Variants in MVB12B observed in about 807,000 individuals in gnomAD.
MVB12B encodes ESCRT-I complex subunit MVB12B.
In MVB12B, 16 loss-of-function variants were observed where a neutral mutation model predicts 41.6. The ratio of observed to expected loss-of-function variants is 0.38; its 90% CI spans 0.26 to 0.58. MVB12B has a LOEUF of 0.58. Among genes scored for constraint, MVB12B ranks in the 20% least tolerant of loss-of-function variants. The probability of loss-of-function intolerance (pLI) is 0.62; values close to 1 mark genes in which losing one functional copy is unlikely to be tolerated. For synonymous variants in MVB12B, 133 were observed against 139.7 expected (o/e 0.95, Z 0.34); for missense variants, 274 against 380.2 (o/e 0.72, Z 2.32).
At chr9:126,375,640 C>T (rs1021739103) in intron 2 of MVB12B, among the ~76,000 whole-genome samples, 2 of 152,064 alleles carry the variant, frequency 1.3e-5, no homozygotes, top group African/African-American at 4.8e-5. Flanking sequence ...TTGATTTAAT[C>T]CTCGGTTCTG....
intron 1 of MVB12B, among the ~76,000 whole-genome samples, chr9:126,337,747 T>G (rs1441417221): frequency 6.6e-6 from 1 of 152,084 alleles, no homozygotes; most frequent in African/African-American, 2.4e-5. Flanking sequence ...AGTTTGGGCT[T>G]TGAGATACAG....
chr9:126,481,019 C>T lies in MVB12B; in HGVS notation c.758-350C>T, dbSNP rs541000319. 7.9e-5 allele frequency: 22 copies of T among 279,814 alleles called. No individual in the cohort carries two copies. The East Asian group carries it at 1.3e-3, about 17-fold the overall frequency. 17.3% of individuals were successfully genotyped at this position (279,814 alleles called of 1,614,324 possible). On this transcript the variant is annotated intron_variant, in intron 7 of 9. Transcript: ENST00000361171. ...CTGTCCCTGCCAGCTGTGTCACCTT[C>T]ATCCTGCTGCCAGCCCCTGGTGACT...
chr9:126,451,302 C>T (rs1465373362), intron 7 of MVB12B, among the ~76,000 whole-genome samples: 1 of 152,146 alleles, frequency 6.6e-6, no homozygotes, highest in East Asian at 1.9e-4. Flanking sequence ...GCAAAATGGC[C>T]CTGCCCACGG....
At chr9:126,361,266 C>T (rs1158878253) in intron 2 of MVB12B, among the ~76,000 whole-genome samples, 1 of 151,612 alleles carries the variant, frequency 6.6e-6, no homozygotes, top group Admixed American at 6.6e-5. Context: ...GAGTCTATAC[C>T]ATGTATCTTT....
intron 7 of MVB12B, among the ~76,000 whole-genome samples, chr9:126,454,767 G>A (rs1832946953): frequency 6.6e-6 from 1 of 151,978 alleles, no homozygotes; most frequent in Admixed American, 6.6e-5. Context: ...CCTTCTGGTA[G>A]GGGTCGATGA....
At chr9:126,461,254 C>T (rs563501762) in intron 7 of MVB12B, among the ~76,000 whole-genome samples, 2 of 152,364 alleles carry the variant, frequency 1.3e-5, no homozygotes, top group African/African-American at 4.8e-5. Context: ...GAAGGCTGGC[C>T]CTGGTGGCTT....
chr9:126,419,200 T>C (rs1831922382), intron 6 of MVB12B, among the ~76,000 whole-genome samples: 1 of 152,194 alleles, frequency 6.6e-6, no homozygotes. Context: ...TTAGGTTGCG[T>C]GCACCTTTTT....
intron 2 of MVB12B, among the ~76,000 whole-genome samples, chr9:126,368,295 A>G (rs2118916051): frequency 6.6e-6 from 1 of 152,356 alleles, no homozygotes; most frequent in Admixed American, 6.5e-5. Context: ...TCTGTCTAGT[A>G]TCAAGGCCCA....
At chr9:126,364,076 A>G (rs755045082) in intron 2 of MVB12B, among the ~76,000 whole-genome samples, 3 of 152,160 alleles carry the variant, frequency 2.0e-5, no homozygotes, top group Non-Finnish European at 4.4e-5. Flanking sequence ...ATGTTTATTG[A>G]ATTGAATTAG....
At chr9:126,449,850 A>C (rs1049841620) in intron 7 of MVB12B, among the ~76,000 whole-genome samples, 5 of 152,144 alleles carry the variant, frequency 3.3e-5, no homozygotes, top group Non-Finnish European at 5.9e-5. Context: ...CCTTGAAACC[A>C]CTCCACTTCC....
chr9:126,359,543 G>A (rs761530060), intron 2 of MVB12B, among the ~76,000 whole-genome samples: 1 of 152,138 alleles, frequency 6.6e-6, no homozygotes, highest in African/African-American at 2.4e-5. Context: ...ATGTGGGAAG[G>A]TTTTTAAACA....
At chr9:126,380,639 G>T (rs1453179564) in intron 2 of MVB12B, among the ~76,000 whole-genome samples, 1 of 152,156 alleles carries the variant, frequency 6.6e-6, no homozygotes, top group East Asian at 1.9e-4. Context: ...TGGGGCCCTA[G>T]AGCAGGAGGC....
At chr9:126,418,265 C>T (rs1433510819) in intron 6 of MVB12B, among the ~76,000 whole-genome samples, 12 of 152,026 alleles carry the variant, frequency 7.9e-5, no homozygotes, top group Admixed American at 2.6e-4. Context: ...TCTGAGGCCC[C>T]GAGGGACAAG....
chr9:126,500,612 G>A (rs565585642), intron 9 of MVB12B, among the ~76,000 whole-genome samples: 5 of 152,198 alleles, frequency 3.3e-5, no homozygotes, highest in South Asian at 2.1e-4. Context: ...GCATTTGACC[G>A]GGACCCCCCG....
At chr9:126,454,297 G>C (rs768498662) in intron 7 of MVB12B, among the ~76,000 whole-genome samples, 22 of 152,200 alleles carry the variant, frequency 1.4e-4, no homozygotes, top group Non-Finnish European at 2.4e-4. Context: ...CCTCCACTTT[G>C]TTCTCCTAAA....
intron 7 of MVB12B, among the ~76,000 whole-genome samples, chr9:126,467,371 G>A (rs1833221794): frequency 6.6e-6 from 1 of 152,222 alleles, no homozygotes; most frequent in East Asian, 1.9e-4. Context: ...GGCCCACGGT[G>A]CTGGTGTGAC....
At chr9:126,483,642 G>A (rs1046845142) in intron 8 of MVB12B, among the ~76,000 whole-genome samples, 21 of 152,208 alleles carry the variant, frequency 1.4e-4, no homozygotes, top group African/African-American at 4.6e-4. Context: ...TCTGCTGGCA[G>A]GGTGAGAAGA....
At chr9:126,499,645 C>A (rs1833910311) in intron 9 of MVB12B, among the ~76,000 whole-genome samples, 1 of 152,116 alleles carries the variant, frequency 6.6e-6, no homozygotes, top group African/African-American at 2.4e-5. Context: ...TGCGGGAAGG[C>A]GGCCGCAGCC....
At chr9:126,370,918 A>C in intron 2 of MVB12B, among the ~76,000 whole-genome samples, 1 of 152,174 alleles carries the variant, frequency 6.6e-6, no homozygotes, top group East Asian at 1.9e-4. Context: ...AATTCTCTCT[A>C]TTTAAACATA....
Sources: gnomAD v4.1 joint callset for allele counts (sites outside exome capture counted in the v4.1 genomes callset) on GRCh38, gnomAD v4.1.1 for gene constraint, MANE v1.5 for transcripts, NCBI Gene and HGNC (gene_info 2026-07-23, HGNC 2026-07-21) for gene names.